FOXN3: variants seen among roughly 807,000 people sequenced by gnomAD.
FOXN3 encodes forkhead box N3.
In FOXN3, 7 loss-of-function variants were observed where a neutral mutation model predicts 38.4. The ratio of observed to expected loss-of-function variants is 0.18; its 90% CI spans 0.10 to 0.34. The LOEUF is 0.34. FOXN3 is among the 10% of genes least tolerant of loss of function. FOXN3 has a pLI of 1.00. For synonymous variants in FOXN3, 230 were observed against 242.2 expected (o/e 0.95, Z 0.47); for missense variants, 456 against 613.4 (o/e 0.74, Z 2.71).
chr14:89,263,217 T>C (rs1268119412), intron 4 of FOXN3, among the ~76,000 whole-genome samples: 1 of 152,240 alleles, frequency 6.6e-6, no homozygotes. Context: ...AAAGCTTATA[T>C]AATTTACCAA....
intron 2 of FOXN3, among the ~76,000 whole-genome samples, chr14:89,371,699 C>T (rs1890322938): frequency 6.6e-6 from 1 of 151,996 alleles, no homozygotes; most frequent in South Asian, 2.1e-4. Flanking sequence ...TGGACTTCCA[C>T]CAAGCTCCAC....
intron 2 of FOXN3, among the ~76,000 whole-genome samples, chr14:89,365,581 A>ACT (rs1363530922): frequency 1.3e-5 from 2 of 152,132 alleles, no homozygotes; most frequent in African/African-American, 4.8e-5. Context: ...TAGTTTTACC[A>ACT]CTCTGTCTTG....
intron 1 of FOXN3, among the ~76,000 whole-genome samples, chr14:89,560,149 G>T (rs1466625256): frequency 6.6e-6 from 1 of 152,102 alleles, no homozygotes; most frequent in African/African-American, 2.4e-5. Context: ...GAGAAGGGGG[G>T]AGTGCTACCC....
Position 89,312,029 on chromosome 14 carries a change from A to G in FOXN3, c.681-31015T>C, listed in dbSNP as rs533069463. On this transcript the variant is annotated intron_variant, in intron 3 of 5. Transcript: ENST00000557258. ...GCCGGGCACAGTGGCTCACACCTGTAATGCCAGCACTTGGGGAGGCCGAGG... is the reference window on the plus strand; with the variant it reads ...GCCGGGCACAGTGGCTCACACCTGTGATGCCAGCACTTGGGGAGGCCGAGG... Among the ~76,000 whole-genome samples, 18 of 152,274 alleles carry G rather than the reference A, an allele frequency of 1.2e-4. 1 individual carries two copies. In the South Asian group the frequency reaches 3.7e-3, roughly 32 times the overall value.
At chr14:89,460,642 T>TATCAATCA (rs34440394) in intron 1 of FOXN3, among the ~76,000 whole-genome samples, 97 of 151,882 alleles carry the variant, frequency 6.4e-4, no homozygotes, top group African/African-American at 2.2e-3. Context: ...TAAGTAGAGT[T>TATCAATCA]ATCAATCAAT....
chr14:89,453,485 G>A lies in FOXN3; in HGVS notation c.-14-40995C>T, dbSNP rs556281375. On this transcript the variant is annotated intron_variant, in intron 1 of 6. Transcript: ENST00000345097. ...TGAAGCAGGAGAACGGTGTGAACCC[G>A]GCAGGCAAAGCTTGCAATGAGCCGA... 1.8e-3 allele frequency among the ~76,000 whole-genome samples: 268 copies of A among 146,332 alleles called. 1 individual carries two copies. The highest frequency in any genetic ancestry group is 2.8e-3 in the African/African-American group (111 of 39,400).
At position 89,156,903 on chromosome 14, in the gene FOXN3, A is replaced by T. The variant is rs1322095460; in HGVS notation, c.*5511T>A. ...GAGAGTGTGCTAAATCTCATCTAAAAAAAAGGAGGAGAGGGGCTGGGGAAC... is the reference window on the plus strand; with the variant it reads ...GAGAGTGTGCTAAATCTCATCTAAATAAAAGGAGGAGAGGGGCTGGGGAAC... On this transcript the variant is annotated 3_prime_UTR_variant, in exon 6 of 6. Transcript: ENST00000557258. 3.3e-5 allele frequency: 5 copies of T among 152,566 alleles called. No individual in the cohort carries two copies. Among genetic ancestry groups the T allele is most frequent in the African/African-American group, 4.8e-5 (2 of 41,436 alleles). 9.5% of individuals were successfully genotyped at this position (152,566 alleles called of 1,614,324 possible). A position where few individuals can be genotyped will look rare whatever the true frequency, so the allele number is the denominator to read the frequency against.
intron 2 of FOXN3, chr14:89,364,616 C>T (rs1382566534): frequency 6.6e-6 from 1 of 152,194 alleles, no homozygotes; most frequent in Non-Finnish European, 1.5e-5. Context: ...CTCTAAATAT[C>T]AGATATGAAA....
intron 1 of FOXN3, among the ~76,000 whole-genome samples, chr14:89,567,043 G>A (rs1895368565): frequency 6.6e-6 from 1 of 152,134 alleles, no homozygotes; most frequent in African/African-American, 2.4e-5. Flanking sequence ...CTGACCCAAG[G>A]CTACAAGTAT....
intron 1 of FOXN3, among the ~76,000 whole-genome samples, chr14:89,488,709 A>T (rs1893505272): frequency 6.6e-6 from 1 of 152,100 alleles, no homozygotes; most frequent in Admixed American, 6.5e-5. Flanking sequence ...CAACTGCTTC[A>T]ATGATTAATA....
intron 1 of FOXN3, among the ~76,000 whole-genome samples, chr14:89,595,034 C>T (rs951909057): frequency 4.0e-5 from 6 of 151,790 alleles, no homozygotes; most frequent in African/African-American, 1.2e-4. Flanking sequence ...GTAAGTCTTC[C>T]GGCCAGGCGC....
At chr14:89,410,031 G>A (rs1003224757) in intron 2 of FOXN3, among the ~76,000 whole-genome samples, 7 of 152,192 alleles carry the variant, frequency 4.6e-5, no homozygotes, top group African/African-American at 1.7e-4. Context: ...ATTTGCACCA[G>A]TGATCAAAGT....
At chr14:89,376,886 C>T (rs1272296753) in intron 2 of FOXN3, among the ~76,000 whole-genome samples, 8 of 151,288 alleles carry the variant, frequency 5.3e-5, no homozygotes, top group East Asian at 1.9e-4. Flanking sequence ...TGGTGGCAGG[C>T]GCCTGTAATC....
chr14:89,368,747 G>C (rs1890228181), intron 2 of FOXN3, among the ~76,000 whole-genome samples: 1 of 152,142 alleles, frequency 6.6e-6, no homozygotes. Flanking sequence ...GGGCAGCTGG[G>C]ATAGCATACC....
chr14:89,180,324 G>C (rs539753270), intron 5 of FOXN3, among the ~76,000 whole-genome samples: 1 of 152,188 alleles, frequency 6.6e-6, no homozygotes, highest in Non-Finnish European at 1.5e-5. Flanking sequence ...TGAAGGAACT[G>C]AGCCCAGAGT....
chr14:89,387,513 T>C (rs1387066301), intron 2 of FOXN3, among the ~76,000 whole-genome samples: 1 of 152,168 alleles, frequency 6.6e-6, no homozygotes, highest in East Asian at 1.9e-4. Flanking sequence ...TAGCAAGTCG[T>C]AAAACAAAGA....
At chr14:89,380,559 G>A (rs767068639) in intron 2 of FOXN3, among the ~76,000 whole-genome samples, 22 of 152,178 alleles carry the variant, frequency 1.4e-4, no homozygotes, top group East Asian at 9.6e-4. Context: ...CAGTGAGCCC[G>A]TACACCGTGC....
intron 1 of FOXN3, among the ~76,000 whole-genome samples, chr14:89,493,764 A>G (rs1893626380): frequency 6.6e-6 from 1 of 152,102 alleles, no homozygotes; most frequent in Non-Finnish European, 1.5e-5. Flanking sequence ...TAAACTCAGC[A>G]GCTGTTAAAA....
chr14:89,404,216 T>C (rs1482452927), intron 2 of FOXN3, among the ~76,000 whole-genome samples: 1 of 151,786 alleles, frequency 6.6e-6, no homozygotes, highest in Non-Finnish European at 1.5e-5. Flanking sequence ...AAGGAACAAA[T>C]CAGCAGGATG....
Sources: gnomAD v4.1 joint callset for allele counts (sites outside exome capture counted in the v4.1 genomes callset) on GRCh38, gnomAD v4.1.1 for gene constraint, MANE v1.5 for transcripts, NCBI Gene and HGNC (gene_info 2026-07-23, HGNC 2026-07-21) for gene names.